The following DEFB110 variants were observed in gnomAD, a reference collection of about 807,000 sequenced individuals.
The protein encoded by DEFB110 is beta-defensin 110.
A neutral mutation model predicts 2.5 loss-of-function variants in DEFB110; 4 were observed. The ratio of observed to expected loss-of-function variants is 1.60; its 90% CI spans 0.79 to 3.66. The LOEUF is 3.66. Ranked by LOEUF, DEFB110 falls within the 30% of genes most tolerant of loss-of-function variation. The pLI is 0.01. For synonymous variants in DEFB110, 29 were observed against 21.8 expected (o/e 1.33, Z -0.92); for missense variants, 94 against 75.4 (o/e 1.25, Z -0.91).
chr6:50,014,742 T>G (rs1774288199), downstream of DEFB110, among the ~76,000 whole-genome samples: 1 of 151,698 alleles, frequency 6.6e-6, no homozygotes, highest in African/African-American at 2.4e-5. Flanking sequence ...AATTCAATGA[T>G]CCAATTGAAG....
At chr6:50,015,165 A>G (rs1412891213), downstream of DEFB110, among the ~76,000 whole-genome samples, 34 of 151,726 alleles carry the variant, frequency 2.2e-4, no homozygotes, top group Admixed American at 2.2e-3. Flanking sequence ...CCCTCATGAA[A>G]TCTAGCTAGC....
At chr6:50,009,940 T>G (rs1774199557) in intron 1 of DEFB110, among the ~76,000 whole-genome samples, 1 of 152,080 alleles carries the variant, frequency 6.6e-6, no homozygotes, top group South Asian at 2.1e-4. Flanking sequence ...CAGTTTTATA[T>G]TCATACATTA....
In DEFB110 at chr6:50,009,286, A is replaced by C. The variant is rs76974394; in HGVS notation, c.56-15T>G. ...ATTGCTTCTGGCTGCAATCAAGAAAAATATCTAAAGTTATTAGTCTATTAT... is the reference window on the plus strand; with the variant it reads ...ATTGCTTCTGGCTGCAATCAAGAAACATATCTAAAGTTATTAGTCTATTAT... On this transcript the variant is annotated splice_polypyrimidine_tract_variant and intron_variant, in intron 1 of 1. Transcript: ENST00000393660. 1.6e-3 allele frequency: 2,540 copies of C among 1,586,640 alleles called. 41 individuals are homozygous for C. The African/African-American group carries it at 0.03, about 19-fold the overall frequency.
At chr6:50,012,820 TA>T (rs1774249299) in intron 1 of DEFB110, among the ~76,000 whole-genome samples, 1 of 151,814 alleles carries the variant, frequency 6.6e-6, no homozygotes, top group Non-Finnish European at 1.5e-5. Flanking sequence ...GGGACAAAGA[TA>T]AATAAAATAT....
chr6:50,019,226 T>A, intron 1 of DEFB110, 101 bp from the exon 2 acceptor site: 1 of 1,251,464 alleles, frequency 8.0e-7, no homozygotes, highest in South Asian at 1.5e-5. Flanking sequence ...AGAGTGAAAA[T>A]GTCCACCTAC....
intron 1 of DEFB110, among the ~76,000 whole-genome samples, chr6:50,013,659 C>T (rs899567975): frequency 6.6e-6 from 1 of 151,488 alleles, no homozygotes; most frequent in Non-Finnish European, 1.5e-5. Context: ...GTTAATGAAA[C>T]TTGAAAATAG....
rs34202705 is a variant in DEFB110, at chr6:50,021,950, TA to T, written c.-16del. 1.1e-5 allele frequency: 17 copies of T among 1,535,792 alleles called. No homozygotes were observed. Among genetic ancestry groups the T allele is most frequent in the Middle Eastern group, 1.7e-4 (1 of 5,772 alleles). The stretch of plus-strand genomic sequence containing the variant: ...TGAATCTTCATGGTAGAGAGTTTCT[TA>T]AAAAAAGGGGGCAACAGACCTCCTT... On this transcript the variant is annotated 5_prime_UTR_variant, in exon 1 of 2. Coordinates refer to ENST00000371148, the MANE Select transcript of DEFB110 (RefSeq NM_001037497.2).
chr6:50,010,450 T>C (rs769895353), intron 1 of DEFB110, among the ~76,000 whole-genome samples: 8 of 151,610 alleles, frequency 5.3e-5, no homozygotes, highest in Non-Finnish European at 1.0e-4. Context: ...CACTTACTTA[T>C]TGCCCTTAAT....
chr6:50,019,757 A>C lies in DEFB110; in HGVS notation c.56-632T>G, dbSNP rs549827132. 8.5e-5 allele frequency among the ~76,000 whole-genome samples: 13 copies of C among 152,110 alleles called. No individual in the cohort carries two copies. The East Asian group carries it at 2.5e-3, about 29-fold the overall frequency. Reference sequence around the variant, plus strand: ...AGTGATACCTTTTTTTTTCTTTCACAAAAAAGTTTCTAAAATAATAACTTA... The same window carrying C: ...AGTGATACCTTTTTTTTTCTTTCACCAAAAAGTTTCTAAAATAATAACTTA... On this transcript the variant is annotated intron_variant, in intron 1 of 1. Coordinates refer to ENST00000371148, the MANE Select transcript of DEFB110 (RefSeq NM_001037497.2).
At chr6:50,021,129 T>C (rs1397112313) in intron 1 of DEFB110, among the ~76,000 whole-genome samples, 2 of 152,178 alleles carry the variant, frequency 1.3e-5, no homozygotes, top group East Asian at 1.9e-4. Flanking sequence ...ATTCAAATAG[T>C]ATCAATTAAA....
At chr6:50,017,408 G>C (rs921286667), downstream of DEFB110, among the ~76,000 whole-genome samples, 4 of 151,790 alleles carry the variant, frequency 2.6e-5, no homozygotes, top group Admixed American at 2.6e-4. Context: ...TCTCAGCCAA[G>C]TGTAAATTTG....
At chr6:50,018,599 G>T (rs769849372), downstream of DEFB110, among the ~76,000 whole-genome samples, 2 of 151,882 alleles carry the variant, frequency 1.3e-5, no homozygotes, top group Admixed American at 6.6e-5. Context: ...AAATAACAGC[G>T]CATTTCCACT....
At chr6:50,018,219 T>G (rs1561992128), downstream of DEFB110, among the ~76,000 whole-genome samples, 1 of 151,940 alleles carries the variant, frequency 6.6e-6, no homozygotes, top group Non-Finnish European at 1.5e-5. Flanking sequence ...TGCTGCTTCC[T>G]TTTGTCATGG....
At chr6:50,009,302 A>G (rs777707098) in intron 1 of DEFB110, 25 of 1,569,452 alleles carry the variant, frequency 1.6e-5, no homozygotes, top group Non-Finnish European at 2.1e-5. Flanking sequence ...TAAAGTTATT[A>G]GTCTATTATT....
chr6:50,010,423 A>G (rs1347329711), intron 1 of DEFB110, among the ~76,000 whole-genome samples: 1 of 151,784 alleles, frequency 6.6e-6, no homozygotes, highest in African/African-American at 2.4e-5. Flanking sequence ...GAGAAAAACT[A>G]GAGAAGATCT....
At chr6:50,015,986 C>T (rs1033556877), downstream of DEFB110, among the ~76,000 whole-genome samples, 1 of 151,784 alleles carries the variant, frequency 6.6e-6, no homozygotes, top group Non-Finnish European at 1.5e-5. Flanking sequence ...AATATCAGTT[C>T]CTTAAGCCAG....
At chr6:50,015,130 C>T (rs572094903), downstream of DEFB110, among the ~76,000 whole-genome samples, 5 of 151,888 alleles carry the variant, frequency 3.3e-5, no homozygotes, top group Non-Finnish European at 3.0e-5. Flanking sequence ...ATTGACCCCT[C>T]TGTCTGCCAT....
chr6:50,021,188 T>A (rs142960979), intron 1 of DEFB110, among the ~76,000 whole-genome samples: 7 of 152,286 alleles, frequency 4.6e-5, no homozygotes, highest in Non-Finnish European at 1.0e-4. Context: ...GGTGTCTCAC[T>A]CTAAGCAATA....
intron 1 of DEFB110, among the ~76,000 whole-genome samples, chr6:50,010,623 A>G (rs921792534): frequency 6.7e-6 from 1 of 149,426 alleles, no homozygotes. Flanking sequence ...TTTTTGATGT[A>G]TATATATATT....
Sources: gnomAD v4.1 joint callset for allele counts (sites outside exome capture counted in the v4.1 genomes callset) on GRCh38, gnomAD v4.1.1 for gene constraint, MANE v1.5 for transcripts, NCBI Gene and HGNC (gene_info 2026-07-23, HGNC 2026-07-21) for gene names.